The following RAB2A variants were observed in gnomAD, a reference collection of about 807,000 sequenced individuals.
RAB2A encodes the protein ras-related protein Rab-2A.
Under a neutral mutation model 32.5 loss-of-function variants are expected in RAB2A, and 7 were observed. The observed-to-expected ratio is 0.22, with a 90% CI of 0.12 to 0.40. The LOEUF is 0.40. Ranked by LOEUF, RAB2A falls within the 10% of genes least tolerant of loss-of-function variation. RAB2A has a pLI of 1.00. For missense variants in RAB2A, 108 were observed against 260.7 expected (o/e 0.41, Z 4.03); for synonymous variants, 79 against 85.2 (o/e 0.93, Z 0.40).
chr8:60,617,273 A>G (rs1296862000), intron 6 of RAB2A, among the ~76,000 whole-genome samples: 1 of 152,148 alleles, frequency 6.6e-6, no homozygotes, highest in Non-Finnish European at 1.5e-5. Flanking sequence ...TTTCAACAGT[A>G]GTTTTTTATT....
At chr8:60,526,056 T>TATATA (rs1372267520) in intron 1 of RAB2A, among the ~76,000 whole-genome samples, 4,473 of 125,396 alleles carry the variant, frequency 0.036, 210 homozygotes, top group East Asian at 0.07. Context: ...TATATATATA[T>TATATA]AAGTTTTCTG....
chr8:60,530,264 G>C (rs1217378902), intron 1 of RAB2A, among the ~76,000 whole-genome samples: 1 of 151,056 alleles, frequency 6.6e-6, no homozygotes, highest in Admixed American at 6.6e-5. Context: ...TTCTGCCTCA[G>C]CCTCTCAAGT....
At chr8:60,560,412 CCT>C (rs1808004354) in intron 2 of RAB2A, among the ~76,000 whole-genome samples, 1 of 152,142 alleles carries the variant, frequency 6.6e-6, no homozygotes, top group South Asian at 2.1e-4. Context: ...TCTTCGCTGC[CCT>C]CTCTATAGGA....
intron 3 of RAB2A, among the ~76,000 whole-genome samples, chr8:60,583,591 A>G (rs979230131): frequency 5.3e-5 from 8 of 152,176 alleles, no homozygotes; most frequent in Non-Finnish European, 8.8e-5. Context: ...ATTCAGAACC[A>G]TTTTGCTTTT....
intron 6 of RAB2A, among the ~76,000 whole-genome samples, 199 bp from the exon 7 acceptor site, chr8:60,618,381 A>T (rs1239271853): frequency 6.6e-6 from 1 of 152,166 alleles, no homozygotes; most frequent in Non-Finnish European, 1.5e-5. Flanking sequence ...ATTGATGATC[A>T]TGAGGGCTTG....
At chr8:60,543,717 C>T (rs566054685) in intron 1 of RAB2A, among the ~76,000 whole-genome samples, 11 of 152,028 alleles carry the variant, frequency 7.2e-5, no homozygotes, top group Admixed American at 1.3e-4. Context: ...GGATAATGTA[C>T]GGCGAACCAA....
rs1313221695 is a variant in RAB2A, at chr8:60,622,422, A to G, written c.*1653A>G. ...AACTGTCTCCTTGAGGGCAGAGGGA[A>G]GGGTGAGAGAAAATCTGTTTTCATG... On this transcript the variant is annotated 3_prime_UTR_variant, in exon 8 of 8. Coordinates refer to ENST00000262646, the MANE Select transcript of RAB2A (RefSeq NM_002865.3). 1.3e-5 allele frequency: 2 copies of G among 152,198 alleles called. No homozygotes were observed. The highest frequency in any genetic ancestry group is 2.4e-5 in the African/African-American group (1 of 41,450). 9.4% of individuals were successfully genotyped at this position (152,198 alleles called of 1,614,324 possible). A position where few individuals can be genotyped will look rare whatever the true frequency, so the allele number is the denominator to read the frequency against.
intron 2 of RAB2A, among the ~76,000 whole-genome samples, chr8:60,561,727 C>G (rs1317092863): frequency 6.6e-6 from 1 of 152,150 alleles, no homozygotes; most frequent in Non-Finnish European, 1.5e-5. Flanking sequence ...GCTCACTTAT[C>G]TCTTGTTCTG....
chr8:60,537,332 G>A (rs1037119206), intron 1 of RAB2A, among the ~76,000 whole-genome samples: 4 of 147,820 alleles, frequency 2.7e-5, no homozygotes, highest in Admixed American at 1.4e-4. Context: ...AGTGATTCTC[G>A]TGCCCCAGCC....
intron 3 of RAB2A, chr8:60,576,311 G>A (rs939725694): frequency 8.8e-6 from 4 of 456,214 alleles, no homozygotes; most frequent in Non-Finnish European, 1.8e-5. Flanking sequence ...TGTTCTCACT[G>A]TTAGACCCTG....
intron 1 of RAB2A, among the ~76,000 whole-genome samples, chr8:60,547,726 G>T (rs1260246061): frequency 8.8e-6 from 1 of 113,274 alleles, no homozygotes; most frequent in Non-Finnish European, 1.9e-5. Context: ...CCTCCCTCCC[G>T]GACGGGGCGG....
intron 2 of RAB2A, among the ~76,000 whole-genome samples, chr8:60,566,535 A>G (rs577650945): frequency 1.3e-5 from 2 of 152,262 alleles, no homozygotes; most frequent in South Asian, 4.1e-4. Context: ...AATTACATAC[A>G]ATGTCCTAAA....
At chr8:60,579,923 G>A (rs371255753) in intron 3 of RAB2A, among the ~76,000 whole-genome samples, 6 of 138,748 alleles carry the variant, frequency 4.3e-5, no homozygotes, top group African/African-American at 1.6e-4. Context: ...CACCGCGCCT[G>A]GCCCTAGGTT....
At chr8:60,543,067 T>C (rs1293671245) in intron 1 of RAB2A, among the ~76,000 whole-genome samples, 1 of 152,194 alleles carries the variant, frequency 6.6e-6, no homozygotes, top group East Asian at 1.9e-4. Context: ...AACTTACTGA[T>C]TGCACTAGGA....
At chr8:60,608,146 G>A (rs1270159932) in intron 6 of RAB2A, among the ~76,000 whole-genome samples, 1 of 151,998 alleles carries the variant, frequency 6.6e-6, no homozygotes, top group African/African-American at 2.4e-5. Flanking sequence ...TTTAGAAAAA[G>A]TTTATTATAA....
At chr8:60,570,634 A>G (rs1020302055) in intron 2 of RAB2A, among the ~76,000 whole-genome samples, 6 of 151,824 alleles carry the variant, frequency 4.0e-5, no homozygotes, top group Admixed American at 2.6e-4. Flanking sequence ...TAATTTTTCA[A>G]TTTTTCATTT....
intron 3 of RAB2A, among the ~76,000 whole-genome samples, chr8:60,577,959 G>A (rs1304604671): frequency 6.6e-6 from 1 of 151,900 alleles, no homozygotes; most frequent in African/African-American, 2.4e-5. Flanking sequence ...AAATTTTTAA[G>A]TTGAGTCTTT....
At chr8:60,557,542 A>G (rs1407999525) in intron 1 of RAB2A, among the ~76,000 whole-genome samples, 1 of 152,138 alleles carries the variant, frequency 6.6e-6, no homozygotes, top group East Asian at 1.9e-4. Flanking sequence ...AAACAAAAAA[A>G]GATTTTCTTC....
At position 60,622,600 on chromosome 8, in the gene RAB2A, T is replaced by A. The variant is rs1387861435; in HGVS notation, c.*1831T>A. 2 of 152,250 alleles carry A rather than the reference T, an allele frequency of 1.3e-5. No individual in the cohort carries two copies. The highest frequency in any genetic ancestry group is 3.8e-4 in the East Asian group (2 of 5,204). 9.4% of individuals were successfully genotyped at this position (152,250 alleles called of 1,614,324 possible). On this transcript the variant is annotated 3_prime_UTR_variant, in exon 8 of 8. Coordinates refer to ENST00000262646, the MANE Select transcript of RAB2A (RefSeq NM_002865.3). ...GAAGAGAATGATTCTTTGGAAATTG[T>A]TATTTTTAAGCTTCTGTTAATTTTT...
Sources: gnomAD v4.1 joint callset for allele counts (sites outside exome capture counted in the v4.1 genomes callset) on GRCh38, gnomAD v4.1.1 for gene constraint, MANE v1.5 for transcripts, NCBI Gene and HGNC (gene_info 2026-07-23, HGNC 2026-07-21) for gene names.